Variants in MPHOSPH6 observed in about 807,000 individuals in gnomAD.
MPHOSPH6 encodes M-phase phosphoprotein 6.
A neutral mutation model predicts 21.8 loss-of-function variants in MPHOSPH6; 25 were observed. That is an observed-to-expected ratio of 1.15 (90% CI 0.83 to 1.60). MPHOSPH6 has a LOEUF of 1.60. Ranked by LOEUF, MPHOSPH6 falls within the 40% of genes most tolerant of loss-of-function variation. MPHOSPH6 has a pLI of 0.00. For synonymous variants in MPHOSPH6, 84 were observed against 56.5 expected, an observed-to-expected ratio of 1.49 and a Z score of -2.18; for missense variants, 269 against 181.8, an observed-to-expected ratio of 1.48 and a Z score of -2.76.
intron 2 of MPHOSPH6, among the ~76,000 whole-genome samples, chr16:82,162,655 C>CATGTGT: frequency 6.6e-6 from 1 of 152,306 alleles, no homozygotes; most frequent in Middle Eastern, 3.4e-3. Flanking sequence ...GGAGGTGCTG[C>CATGTGT]ACTGCCCCGA....
At chr16:82,158,469 A>T (rs1906501684) in intron 2 of MPHOSPH6, among the ~76,000 whole-genome samples, 1 of 136,906 alleles carries the variant, frequency 7.3e-6, no homozygotes. Flanking sequence ...ACTGCACTCC[A>T]GCCTGGGTGA....
Position 82,165,114 on chromosome 16 carries a change from C to CTTTTTTTTTTTTTTTTTTTTTTT in MPHOSPH6, c.52-921_52-920insAAAAAAAAAAAAAAAAAAAAAAA, listed in dbSNP as rs1418457856. Among the ~76,000 whole-genome samples the CTTTTTTTTTTTTTTTTTTTTTTT allele has an allele frequency of 3.1e-4, 20 of 63,936 alleles. 7 individuals are homozygous for CTTTTTTTTTTTTTTTTTTTTTTT. Among genetic ancestry groups the CTTTTTTTTTTTTTTTTTTTTTTT allele is most frequent in the East Asian group, 9.1e-4 (2 of 2,194 alleles). The allele number at this position is 63,936 out of a possible 152,430, so 41.9% of individuals were successfully genotyped here. ...TTTCCCTTATTCAGGTCCGATATTTCTTTTTTATTTTTTTTTTTATTTTTT... is the reference window on the plus strand; with the variant it reads ...TTTCCCTTATTCAGGTCCGATATTTCTTTTTTTTTTTTTTTTTTTTTTTTTTTTTATTTTTTTTTTTATTTTTT... On this transcript the variant is annotated intron_variant, in intron 1 of 4. Coordinates refer to ENST00000258169, the MANE Select transcript of MPHOSPH6 (RefSeq NM_005792.2).
chr16:82,150,539 G>T (rs1906231116), intron 3 of MPHOSPH6, among the ~76,000 whole-genome samples: 1 of 152,206 alleles, frequency 6.6e-6, no homozygotes, highest in South Asian at 2.1e-4. Flanking sequence ...GTTAACTGTG[G>T]CTCCTAGAGA....
intron 2 of MPHOSPH6, among the ~76,000 whole-genome samples, 170 bp from the exon 3 acceptor site, chr16:82,151,684 C>G (rs1162825160): frequency 6.6e-6 from 1 of 152,208 alleles, no homozygotes; most frequent in Non-Finnish European, 1.5e-5. Context: ...ATTTGGTCAG[C>G]AAAGGCATTA....
chr16:82,161,058 AT>A (rs1204823005), intron 2 of MPHOSPH6, among the ~76,000 whole-genome samples: 1 of 152,186 alleles, frequency 6.6e-6, no homozygotes, highest in Admixed American at 6.5e-5. Flanking sequence ...CCTTGCTCCC[AT>A]CATATTTCTT....
intron 2 of MPHOSPH6, among the ~76,000 whole-genome samples, chr16:82,154,193 T>G (rs1906356778): frequency 6.6e-6 from 1 of 152,300 alleles, no homozygotes; most frequent in African/African-American, 2.4e-5. Flanking sequence ...CAAGGAAATG[T>G]TTGAGTTCTG....
At chr16:82,163,814 C>T (rs1906677824) in intron 2 of MPHOSPH6, 1 of 326,244 alleles carries the variant, frequency 3.1e-6, no homozygotes, top group Admixed American at 4.8e-5. Flanking sequence ...CCCCAAAGGT[C>T]TGCTGTTACT....
intron 2 of MPHOSPH6, among the ~76,000 whole-genome samples, chr16:82,155,920 G>A (rs959734771): frequency 2.7e-5 from 4 of 149,562 alleles, no homozygotes; most frequent in African/African-American, 9.9e-5. Flanking sequence ...AAAAAAAAAA[G>A]TTAATAGGAT....
chr16:82,162,757 C>T (rs1476878087), intron 2 of MPHOSPH6, among the ~76,000 whole-genome samples: 1 of 152,186 alleles, frequency 6.6e-6, no homozygotes, highest in Non-Finnish European at 1.5e-5. Context: ...CTGATATACA[C>T]ACCTATACAT....
chr16:82,169,757 G>C (rs1336366024), intron 1 of MPHOSPH6, among the ~76,000 whole-genome samples: 1 of 152,148 alleles, frequency 6.6e-6, no homozygotes, highest in Non-Finnish European at 1.5e-5. Flanking sequence ...CCCAGCTAAG[G>C]AGTTACACTT....
chr16:82,167,236 T>C (rs1262376946), intron 1 of MPHOSPH6, among the ~76,000 whole-genome samples: 1 of 152,202 alleles, frequency 6.6e-6, no homozygotes, highest in Non-Finnish European at 1.5e-5. Context: ...CATTCCATAC[T>C]GGAAGACCTT....
rs1906688344 is a variant in MPHOSPH6, at chr16:82,164,133, A to C, written c.113T>G (p.Ile38Ser). Residue 38 changes from isoleucine (I) to serine (S), a missense_variant, in exon 2 of 5, where the codon ATC becomes AGC. Ile to Ser is a moderately radical substitution (Grantham distance 142). Transcript: ENST00000258169. ...CAAGTACCAGTGCTCTTCACTAATG[A>C]TTTTCTTTTCTTCTTCTTCTAGTTG... ...KKQLEEEEKKIISEEHWYLDL... is the reference protein window; with the variant it reads ...KKQLEEEEKKSISEEHWYLDL... The C allele has an allele frequency of 6.2e-7, 1 of 1,612,778 alleles. No individual in the cohort carries two copies. The highest frequency in any genetic ancestry group is 1.1e-5 in the South Asian group (1 of 91,066).
At chr16:82,166,216 C>A (rs541927897) in intron 1 of MPHOSPH6, among the ~76,000 whole-genome samples, 2 of 152,198 alleles carry the variant, frequency 1.3e-5, no homozygotes, top group African/African-American at 4.8e-5. Flanking sequence ...GAATCTATCA[C>A]TATTTTAAGT....
intron 2 of MPHOSPH6, among the ~76,000 whole-genome samples, chr16:82,157,375 T>C (rs1244846059): frequency 6.6e-6 from 1 of 152,260 alleles, no homozygotes; most frequent in Non-Finnish European, 1.5e-5. Context: ...AACATTTTGC[T>C]GACACAGTTA....
At position 82,148,714 on chromosome 16, in the gene MPHOSPH6, C is replaced by A. The variant is rs766111159; in HGVS notation, c.*17G>T. ...CTTCCACCAAGCACCCCTGGGCCAT[C>A]GCTTAAGGCATCCATCTTAATCCTG... is the stretch of plus-strand genomic sequence containing the variant. On this transcript the variant is annotated 3_prime_UTR_variant, in exon 5 of 5. Transcript: ENST00000258169. The A allele has an allele frequency of 1.9e-6, 3 of 1,613,148 alleles. No individual in the cohort carries two copies. Among genetic ancestry groups the A allele is most frequent in the African/African-American group, 2.7e-5 (2 of 74,892 alleles).
chr16:82,170,217 C>A lies in MPHOSPH6; in HGVS notation c.-42G>T. The stretch of plus-strand genomic sequence containing the variant: ...CGCCGCACTCCGGCCGCGAGCCTCA[C>A]CGCACATGCGCGGAGCCGCGTGCGC... On this transcript the variant is annotated 5_prime_UTR_variant, in exon 1 of 5. Transcript: ENST00000258169. 1.3e-6 allele frequency: 2 copies of A among 1,561,038 alleles called. No homozygotes were observed. Among genetic ancestry groups the A allele is most frequent in the Non-Finnish European group, 1.7e-6 (2 of 1,155,462 alleles).
chr16:82,160,538 C>T (rs1204978843), intron 2 of MPHOSPH6, among the ~76,000 whole-genome samples: 1 of 152,170 alleles, frequency 6.6e-6, no homozygotes. Context: ...AAGCGAAGGG[C>T]AGATTTGCTT....
intron 3 of MPHOSPH6, 66 bp downstream of exon 3, chr16:82,151,358 C>T (rs754580112): frequency 1.9e-6 from 3 of 1,586,362 alleles, no homozygotes; most frequent in Admixed American, 3.5e-5. Flanking sequence ...AACACCTAAG[C>T]CCAATTATTA....
chr16:82,165,576 C>T lies in MPHOSPH6; in HGVS notation c.52-1382G>A, dbSNP rs561568990. 1.8e-4 allele frequency among the ~76,000 whole-genome samples: 27 copies of T among 152,256 alleles called. No homozygotes were observed. In the South Asian group the frequency reaches 5.2e-3, roughly 29 times the overall value. On this transcript the variant is annotated intron_variant, in intron 1 of 4. Coordinates refer to ENST00000258169, the MANE Select transcript of MPHOSPH6 (RefSeq NM_005792.2). ...GCACTGCAAAATGATGTTTGGTCGA[C>T]GATGGAACCCATATATGACAGTGGT...
Sources: allele counts gnomAD v4.1 joint callset (sites outside exome capture counted in the v4.1 genomes callset), GRCh38; gene constraint gnomAD v4.1.1; transcripts MANE v1.5; gene names NCBI Gene and HGNC (gene_info 2026-07-23, HGNC 2026-07-21).